ZMIZ1: variants seen among roughly 807,000 people sequenced by gnomAD.
ZMIZ1 encodes the protein zinc finger MIZ-type containing 1.
Under a neutral mutation model 113.9 loss-of-function variants are expected in ZMIZ1, and 17 were observed. That is an observed-to-expected ratio of 0.15 (90% CI 0.10 to 0.22). The LOEUF (loss-of-function observed/expected upper bound fraction) is 0.22, where lower values mean the gene tolerates loss of function less well. ZMIZ1 is among the 10% of genes least tolerant of loss of function. The probability of loss-of-function intolerance (pLI) is 1.00; values close to 1 mark genes in which losing one functional copy is unlikely to be tolerated. For synonymous variants in ZMIZ1, 607 were observed against 603.1 expected, an observed-to-expected ratio of 1.01 and a Z score of -0.09; for missense variants, 1,059 against 1,477.8, an observed-to-expected ratio of 0.72 and a Z score of 4.65.
At chr10:79,287,048 C>A (rs1356594254) in intron 8 of ZMIZ1, among the ~76,000 whole-genome samples, 1 of 152,244 alleles carries the variant, frequency 6.6e-6, no homozygotes, top group Non-Finnish European at 1.5e-5. Context: ...GGTCATCCAG[C>A]ACACCTAGGA....
chr10:79,172,130 C>A (rs370166522), intron 4 of ZMIZ1, among the ~76,000 whole-genome samples: 1 of 152,132 alleles, frequency 6.6e-6, no homozygotes, highest in East Asian at 1.9e-4. Flanking sequence ...CACAGCAGCT[C>A]AGCCTCATTC....
intron 2 of ZMIZ1, among the ~76,000 whole-genome samples, chr10:79,122,980 G>A (rs978172813): frequency 2.6e-5 from 4 of 152,248 alleles, no homozygotes; most frequent in African/African-American, 9.6e-5. Context: ...GGTCCAGCCA[G>A]CTAGAGCAGA....
At chr10:79,132,252 G>C (rs1844802375) in intron 2 of ZMIZ1, among the ~76,000 whole-genome samples, 1 of 152,174 alleles carries the variant, frequency 6.6e-6, no homozygotes, top group African/African-American at 2.4e-5. Flanking sequence ...AGAGAGGGAA[G>C]GGCTGCTTGT....
chr10:79,209,451 G>C (rs538554722), intron 6 of ZMIZ1, among the ~76,000 whole-genome samples: 1 of 152,336 alleles, frequency 6.6e-6, no homozygotes, highest in African/African-American at 2.4e-5. Flanking sequence ...GTGATGACCA[G>C]GGAGGGCAGC....
chr10:79,265,459 TTTTC>T (rs1215299394), intron 7 of ZMIZ1, among the ~76,000 whole-genome samples: 2 of 144,492 alleles, frequency 1.4e-5, no homozygotes, highest in Non-Finnish European at 3.0e-5. Flanking sequence ...AACTCCTTTT[TTTTC>T]TTTTCTTTTT....
chr10:79,293,227 G>A (rs1311313975), intron 11 of ZMIZ1, 154 bp from the exon 12 acceptor site: 13 of 910,800 alleles, frequency 1.4e-5, no homozygotes, highest in Non-Finnish European at 2.0e-5. Context: ...CTGCTCCCCT[G>A]GGGCCTGGTT....
chr10:79,219,181 G>A (rs1246393518), intron 7 of ZMIZ1, among the ~76,000 whole-genome samples: 1 of 152,148 alleles, frequency 6.6e-6, no homozygotes, highest in African/African-American at 2.4e-5. Context: ...GCAAAACTAT[G>A]CCACAGAGGG....
intron 7 of ZMIZ1, among the ~76,000 whole-genome samples, chr10:79,232,320 T>C (rs1849426600): frequency 1.3e-5 from 2 of 152,114 alleles, no homozygotes; most frequent in South Asian, 2.1e-4. Flanking sequence ...AAATCACTTA[T>C]GGGAGGAAGA....
Position 79,096,215 on chromosome 10 carries a change from A to T in ZMIZ1, c.-336-22700A>T, listed in dbSNP as rs1458325899. 3.9e-5 allele frequency among the ~76,000 whole-genome samples: 6 copies of T among 152,166 alleles called. No homozygotes were observed. The East Asian group carries it at 1.2e-3, about 29-fold the overall frequency. On this transcript the variant is annotated intron_variant, in intron 1 of 24. Transcript: ENST00000334512. ...GACAAATGTTTGCACAAGGAGTTAGAAATGAGATGTCTAGGCTGGGCACGG... is the reference window on the plus strand; with the variant it reads ...GACAAATGTTTGCACAAGGAGTTAGTAATGAGATGTCTAGGCTGGGCACGG...
intron 19 of ZMIZ1, among the ~76,000 whole-genome samples, chr10:79,304,628 G>T (rs907537933): frequency 6.6e-6 from 1 of 152,220 alleles, no homozygotes; most frequent in East Asian, 1.9e-4. Flanking sequence ...AGAAGGAGCC[G>T]TCTTCTGGAA....
At chr10:79,301,494 C>A (rs1421220251) in intron 17 of ZMIZ1, among the ~76,000 whole-genome samples, 1 of 152,084 alleles carries the variant, frequency 6.6e-6, no homozygotes, top group African/African-American at 2.4e-5. Flanking sequence ...CAGGGCCCAA[C>A]ACACAGGGCT....
At chr10:79,134,102 C>T (rs1243763686) in intron 2 of ZMIZ1, among the ~76,000 whole-genome samples, 1 of 152,186 alleles carries the variant, frequency 6.6e-6, no homozygotes, top group Non-Finnish European at 1.5e-5. Flanking sequence ...GGCCCCTGAT[C>T]AGATATGGGA....
chr10:79,217,396 G>A (rs1161500762), intron 7 of ZMIZ1, among the ~76,000 whole-genome samples: 1 of 152,176 alleles, frequency 6.6e-6, no homozygotes, highest in African/African-American at 2.4e-5. Context: ...CTGCACTCCA[G>A]CCTGGGTGAC....
intron 3 of ZMIZ1, among the ~76,000 whole-genome samples, chr10:79,150,268 T>C (rs1472304768): frequency 1.3e-5 from 2 of 152,186 alleles, no homozygotes; most frequent in Non-Finnish European, 2.9e-5. Context: ...CCCCGTATTC[T>C]CTACGGCTGG....
chr10:79,284,340 A>T (rs1852924315), intron 8 of ZMIZ1, among the ~76,000 whole-genome samples: 1 of 152,230 alleles, frequency 6.6e-6, no homozygotes, highest in South Asian at 2.1e-4. Context: ...TAAAGGGAGT[A>T]TGCAGGCTGG....
At chr10:79,195,454 G>A (rs1347806413) in intron 4 of ZMIZ1, among the ~76,000 whole-genome samples, 1 of 152,242 alleles carries the variant, frequency 6.6e-6, no homozygotes, top group African/African-American at 2.4e-5. Flanking sequence ...GGGTGCACCT[G>A]GGGCCAGGCC....
At chr10:79,185,784 C>T (rs920176344) in intron 4 of ZMIZ1, among the ~76,000 whole-genome samples, 1 of 137,670 alleles carries the variant, frequency 7.3e-6, no homozygotes, top group African/African-American at 2.9e-5. Flanking sequence ...AACACTGGAC[C>T]TTGGAAGAGA....
At chr10:79,122,024 GA>G (rs67681539) in intron 2 of ZMIZ1, among the ~76,000 whole-genome samples, 8,540 of 152,250 alleles carry the variant, frequency 0.056, 347 homozygotes, top group East Asian at 0.22. Flanking sequence ...AATTACAAAG[GA>G]TTTCAAGATG....
chr10:79,307,557 C>G lies in ZMIZ1; in HGVS notation c.2821C>G (p.Pro941Ala). The G allele has an allele frequency of 6.2e-7, 1 of 1,612,468 alleles. No individual in the cohort carries two copies. Among genetic ancestry groups the G allele is most frequent in the Non-Finnish European group, 8.5e-7 (1 of 1,179,370 alleles). The change falls in exon 23 of 25, where the codon CCC (proline) becomes GCC (alanine). Residue 941 changes from proline (P) to alanine (A), a missense_variant. By Grantham distance (27) the Pro-to-Ala change is conservative. Coordinates refer to ENST00000334512, the MANE Select transcript of ZMIZ1 (RefSeq NM_020338.4). ...MAALEKPLSH[P>A]MQETMPHAGS... ...CGCCCTCGAGAAACCCCTCAGCCAC[C>G]CCATGCAGGAAACTGTGAGTACCTC...
Sources: gnomAD v4.1 joint callset for allele counts (sites outside exome capture counted in the v4.1 genomes callset) on GRCh38, gnomAD v4.1.1 for gene constraint, MANE v1.5 for transcripts, NCBI Gene and HGNC (gene_info 2026-07-23, HGNC 2026-07-21) for gene names.